L3MBTL4: variants seen among roughly 807,000 people sequenced by gnomAD.
The protein encoded by L3MBTL4 is L3MBTL histone methyl-lysine binding protein 4.
A neutral mutation model predicts 84.5 loss-of-function variants in L3MBTL4; 70 were observed. That is an observed-to-expected ratio of 0.83 (90% CI 0.68 to 1.01). The LOEUF (loss-of-function observed/expected upper bound fraction) is 1.01. L3MBTL4 is among the 50% of genes least tolerant of loss of function. The pLI, the probability that L3MBTL4 is intolerant of heterozygous loss-of-function variation, is 0.00. For missense variants in L3MBTL4, 715 were observed against 754.8 expected (o/e 0.95, Z 0.62); for synonymous variants, 274 against 259.8 (o/e 1.05, Z -0.52).
chr18:6,126,522 T>C (rs1807387237), intron 14 of L3MBTL4, among the ~76,000 whole-genome samples: 1 of 152,190 alleles, frequency 6.6e-6, no homozygotes, highest in African/African-American at 2.4e-5. Flanking sequence ...ATTTAGAATG[T>C]TGCACTTAAT....
At chr18:6,386,873 A>G (rs778716579) in intron 1 of L3MBTL4, among the ~76,000 whole-genome samples, 1 of 152,156 alleles carries the variant, frequency 6.6e-6, no homozygotes, top group African/African-American at 2.4e-5. Context: ...GAATGAGACT[A>G]AAGGGTTAGG....
At chr18:6,195,000 G>T (rs2045310526) in intron 12 of L3MBTL4, among the ~76,000 whole-genome samples, 1 of 152,318 alleles carries the variant, frequency 6.6e-6, no homozygotes, top group African/African-American at 2.4e-5. Flanking sequence ...TATACAAGCT[G>T]ATCTTCCTTT....
chr18:6,229,455 C>T (rs1364111501), intron 10 of L3MBTL4, among the ~76,000 whole-genome samples: 3 of 151,992 alleles, frequency 2.0e-5, no homozygotes, highest in African/African-American at 7.2e-5. Flanking sequence ...CATTGTCCTT[C>T]GATGTATGGA....
chr18:6,248,897 T>A (rs544002764), intron 5 of L3MBTL4, among the ~76,000 whole-genome samples: 1 of 152,242 alleles, frequency 6.6e-6, no homozygotes, highest in African/African-American at 2.4e-5. Flanking sequence ...AACCTATGAA[T>A]TGGCTTGTAA....
intron 1 of L3MBTL4, among the ~76,000 whole-genome samples, chr18:6,329,645 A>G (rs899434303): frequency 1.3e-5 from 2 of 152,122 alleles, no homozygotes; most frequent in African/African-American, 4.8e-5. Flanking sequence ...TGCGGTGGGA[A>G]CTGTCTACAG....
intron 16 of L3MBTL4, among the ~76,000 whole-genome samples, chr18:5,971,413 G>A (rs569601016): frequency 6.6e-6 from 1 of 152,196 alleles, no homozygotes; most frequent in Non-Finnish European, 1.5e-5. Context: ...CACTCAATCA[G>A]TTGTTTTTGC....
At chr18:6,244,725 G>A (rs1199101181) in intron 5 of L3MBTL4, 137 bp from the exon 6 acceptor site, 2 of 643,078 alleles carry the variant, frequency 3.1e-6, no homozygotes, top group East Asian at 5.2e-5. Context: ...GTCTACCAGA[G>A]GCTGGAAGTT....
intron 10 of L3MBTL4, among the ~76,000 whole-genome samples, chr18:6,237,582 A>C (rs1243664994): frequency 6.6e-6 from 1 of 150,490 alleles, no homozygotes; most frequent in African/African-American, 2.5e-5. Flanking sequence ...CAGCCTCCCA[A>C]GTAGCTGGGA....
intron 4 of L3MBTL4, among the ~76,000 whole-genome samples, chr18:6,297,574 A>G (rs1331072120): frequency 1.3e-5 from 2 of 152,234 alleles, no homozygotes; most frequent in African/African-American, 4.8e-5. Context: ...ATCTAAGAAC[A>G]GATATTCCAA....
rs1251803746 is a variant in L3MBTL4, at chr18:6,341,625, A to G, written c.-90-29569T>C. ...GAATGAAAAAGAATAAAGAAAGTCT[A>G]CAGGACTTATAGAACAGCATCATGT... On this transcript the variant is annotated intron_variant, in intron 1 of 18. Transcript: ENST00000317931. Among the ~76,000 whole-genome samples the G allele has an allele frequency of 2.6e-5, 4 of 152,096 alleles. No homozygotes were observed. In the East Asian group the frequency reaches 7.7e-4, roughly 29 times the overall value.
intron 13 of L3MBTL4, among the ~76,000 whole-genome samples, chr18:6,142,054 CTTA>C (rs2060213819): frequency 6.6e-6 from 1 of 152,190 alleles, no homozygotes; most frequent in Non-Finnish European, 1.5e-5. Flanking sequence ...TGGATAACTT[CTTA>C]TTATCTTTCA....
chr18:6,188,581 C>T (rs1386832620), intron 12 of L3MBTL4, among the ~76,000 whole-genome samples: 5 of 152,216 alleles, frequency 3.3e-5, no homozygotes, highest in Admixed American at 3.3e-4. Context: ...TCAGCCACTT[C>T]CTCCAGCTCA....
chr18:6,189,905 C>A (rs1237695952), intron 12 of L3MBTL4, among the ~76,000 whole-genome samples: 1 of 152,092 alleles, frequency 6.6e-6, no homozygotes, highest in Non-Finnish European at 1.5e-5. Context: ...AATACTCTAA[C>A]AGATATGCAA....
chr18:6,187,642 T>C (rs1407566997), intron 12 of L3MBTL4, among the ~76,000 whole-genome samples: 1 of 152,192 alleles, frequency 6.6e-6, no homozygotes, highest in Non-Finnish European at 1.5e-5. Context: ...TTTTCATGTA[T>C]AACTGAGTAA....
intron 1 of L3MBTL4, among the ~76,000 whole-genome samples, chr18:6,344,731 T>C (rs983813511): frequency 1.1e-4 from 16 of 151,976 alleles, no homozygotes; most frequent in African/African-American, 3.9e-4. Context: ...GTTCAACATA[T>C]CAAAATCAAT....
Position 6,414,358 on chromosome 18 carries a change from A to C in L3MBTL4, c.-91+443T>G, listed in dbSNP as rs1256236494. On this transcript the variant is annotated intron_variant, in intron 1 of 18. Transcript: ENST00000317931. This position sits in a 1 kb window ranked among gnomAD's most constrained non-coding sequence, Gnocchi z 5.4. The stretch of plus-strand genomic sequence containing the variant: ...TTAGCCCCAGAGGAAACAAAAGCCA[A>C]ATGCCCACCGCCGGGCGCTCGATGG... Among the ~76,000 whole-genome samples the C allele has an allele frequency of 6.6e-6, 1 of 152,112 alleles. No individual in the cohort carries two copies. The highest frequency in any genetic ancestry group is 1.5e-5 in the Non-Finnish European group (1 of 67,988).
chr18:6,365,890 T>C (rs1176932811), intron 1 of L3MBTL4, among the ~76,000 whole-genome samples: 1 of 152,180 alleles, frequency 6.6e-6, no homozygotes, highest in Non-Finnish European at 1.5e-5. Context: ...TACACTCTTA[T>C]ATTAAATAAA....
chr18:6,185,938 TG>T (rs1411594997), intron 12 of L3MBTL4, among the ~76,000 whole-genome samples: 2 of 151,484 alleles, frequency 1.3e-5, no homozygotes, highest in African/African-American at 4.9e-5. Flanking sequence ...GTGGCAGAAG[TG>T]AAAACCAAAA....
chr18:6,302,527 A>G (rs958676061), intron 3 of L3MBTL4, among the ~76,000 whole-genome samples: 4 of 152,240 alleles, frequency 2.6e-5, no homozygotes, highest in Admixed American at 6.5e-5. Flanking sequence ...CAAGCAAGGC[A>G]TGCTCTTCCT....
Sources: gnomAD v4.1 joint callset for allele counts (sites outside exome capture counted in the v4.1 genomes callset) on GRCh38, gnomAD v4.1.1 for gene constraint, Gnocchi (gnomAD v3.1) non-coding constraint, MANE v1.5 for transcripts, NCBI Gene and HGNC (gene_info 2026-07-23, HGNC 2026-07-21) for gene names.